ADGRB3: variants seen among roughly 807,000 people sequenced by gnomAD.
The protein encoded by ADGRB3 is adhesion G protein-coupled receptor B3.
In ADGRB3, 37 loss-of-function variants were observed where a neutral mutation model predicts 193.4. That is an observed-to-expected ratio of 0.19 (90% CI 0.15 to 0.25). The LOEUF (loss-of-function observed/expected upper bound fraction) is 0.25. Ranked by LOEUF, ADGRB3 falls within the 10% of genes least tolerant of loss-of-function variation. The probability of loss-of-function intolerance (pLI) is 1.00; values close to 1 mark genes in which losing one functional copy is unlikely to be tolerated. For missense variants in ADGRB3, 1,637 were observed against 1,852.9 expected, an observed-to-expected ratio of 0.88 and a Z score of 2.14; for synonymous variants, 690 against 644.2, an observed-to-expected ratio of 1.07 and a Z score of -1.08.
At chr6:68,815,808 G>T (rs1051765395) in intron 3 of ADGRB3, among the ~76,000 whole-genome samples, 1 of 151,990 alleles carries the variant, frequency 6.6e-6, no homozygotes, top group Non-Finnish European at 1.5e-5. Flanking sequence ...TTTAATATTT[G>T]CATTGCTTTA....
At chr6:69,244,221 T>C (rs1277246406) in intron 20 of ADGRB3, among the ~76,000 whole-genome samples, 1 of 151,824 alleles carries the variant, frequency 6.6e-6, no homozygotes, top group African/African-American at 2.4e-5. Flanking sequence ...TCTATTATGT[T>C]TTCTTCTACT....
At chr6:68,974,505 C>T (rs751312625) in intron 8 of ADGRB3, among the ~76,000 whole-genome samples, 1 of 152,044 alleles carries the variant, frequency 6.6e-6, no homozygotes, top group Non-Finnish European at 1.5e-5. Context: ...TGGCAACACA[C>T]GTCTGTAGTC....
chr6:69,373,378 C>T (rs1769746542), intron 30 of ADGRB3, among the ~76,000 whole-genome samples: 1 of 151,978 alleles, frequency 6.6e-6, no homozygotes, highest in Non-Finnish European at 1.5e-5. Flanking sequence ...AAAACTAAGA[C>T]TTGTTTTTAT....
intron 15 of ADGRB3, among the ~76,000 whole-genome samples, chr6:69,051,762 A>G (rs923566491): frequency 6.6e-6 from 1 of 152,196 alleles, no homozygotes; most frequent in Non-Finnish European, 1.5e-5. Flanking sequence ...TCTTTTTTCT[A>G]CAGTCACTCA....
intron 20 of ADGRB3, among the ~76,000 whole-genome samples, chr6:69,250,462 G>A (rs1333477069): frequency 6.6e-6 from 1 of 152,074 alleles, no homozygotes; most frequent in Non-Finnish European, 1.5e-5. Flanking sequence ...CAATGAAAAG[G>A]ACAATCTGTA....
At chr6:69,074,735 C>T (rs1197747178) in intron 16 of ADGRB3, among the ~76,000 whole-genome samples, 5 of 151,846 alleles carry the variant, frequency 3.3e-5, no homozygotes, top group East Asian at 1.9e-4. Context: ...TTAGTACAGA[C>T]GGGGTTTCAC....
At chr6:68,974,635 T>C (rs1455003920) in intron 8 of ADGRB3, 128 bp from the exon 9 acceptor site, 1 of 668,290 alleles carries the variant, frequency 1.5e-6, no homozygotes, top group Non-Finnish European at 2.5e-6. Context: ...ACCCCATCTC[T>C]AAAAAAAAGA....
intron 3 of ADGRB3, among the ~76,000 whole-genome samples, chr6:68,650,824 C>T (rs867522448): frequency 6.6e-6 from 1 of 151,594 alleles, no homozygotes; most frequent in Non-Finnish European, 1.5e-5. Context: ...AAGAAAGGAG[C>T]CTGAGAGGAA....
intron 17 of ADGRB3, among the ~76,000 whole-genome samples, chr6:69,160,084 A>G (rs1229186919): frequency 6.6e-6 from 1 of 152,104 alleles, no homozygotes. Flanking sequence ...TAAGCCCTAG[A>G]TTACTGAAAT....
At chr6:68,803,270 C>T (rs1767345138) in intron 3 of ADGRB3, among the ~76,000 whole-genome samples, 1 of 152,168 alleles carries the variant, frequency 6.6e-6, no homozygotes, top group African/African-American at 2.4e-5. Context: ...TCTGTATTTA[C>T]AGGACCCTCC....
At chr6:69,201,433 C>CT (rs530167052) in intron 17 of ADGRB3, among the ~76,000 whole-genome samples, 11 of 151,730 alleles carry the variant, frequency 7.2e-5, no homozygotes, top group African/African-American at 1.7e-4. Context: ...TTATTTCCAA[C>CT]TTTTTTTTAT....
At chr6:69,130,324 G>T (rs1773971180) in intron 17 of ADGRB3, among the ~76,000 whole-genome samples, 1 of 151,692 alleles carries the variant, frequency 6.6e-6, no homozygotes, top group African/African-American at 2.4e-5. Context: ...TGAATTTTGG[G>T]ATTATATAAG....
chr6:69,231,217 C>A (rs1191988694), intron 17 of ADGRB3, among the ~76,000 whole-genome samples: 1 of 152,150 alleles, frequency 6.6e-6, no homozygotes, highest in Non-Finnish European at 1.5e-5. Flanking sequence ...ATATAGACTT[C>A]ATATGTAACA....
rs1444537845 is a variant in ADGRB3 at position 68,839,112 on chromosome 6, T to A, written c.758-91447T>A. On this transcript the variant is annotated intron_variant, in intron 3 of 31. Transcript: ENST00000370598. ...CACACACACACACACACACACACAT[T>A]CCCACATACACACATTAGACCTTCC... Among the ~76,000 whole-genome samples, 3 of 96,442 alleles carry A rather than the reference T, an allele frequency of 3.1e-5. No individual in the cohort carries two copies. The South Asian group carries it at 9.7e-4, about 31-fold the overall frequency. The allele number at this position is 96,442 out of a possible 152,430, so 63.3% of individuals were successfully genotyped here. A position where few individuals can be genotyped will look rare whatever the true frequency, so the allele number is the denominator to read the frequency against.
chr6:69,243,409 T>G (rs1022103526), intron 20 of ADGRB3, among the ~76,000 whole-genome samples: 1 of 151,928 alleles, frequency 6.6e-6, no homozygotes, highest in Non-Finnish European at 1.5e-5. Context: ...AGGAGCAGGA[T>G]TCTGTGACCT....
intron 17 of ADGRB3, among the ~76,000 whole-genome samples, chr6:69,083,964 G>A (rs574352108): frequency 5.9e-5 from 9 of 151,952 alleles, no homozygotes; most frequent in African/African-American, 2.2e-4. Context: ...TAGTATAGAC[G>A]CAGTTTCACC....
chr6:69,184,840 C>T (rs758153405), intron 17 of ADGRB3, among the ~76,000 whole-genome samples: 32 of 152,016 alleles, frequency 2.1e-4, no homozygotes, highest in Non-Finnish European at 8.8e-5. Context: ...AAATAATGTG[C>T]CACAAAACTT....
At chr6:69,139,721 T>C (rs1774269953) in intron 17 of ADGRB3, among the ~76,000 whole-genome samples, 1 of 152,234 alleles carries the variant, frequency 6.6e-6, no homozygotes, top group Admixed American at 6.5e-5. Context: ...TTTAAAGTTA[T>C]GTAAATTGTA....
intron 3 of ADGRB3, among the ~76,000 whole-genome samples, chr6:68,843,378 A>C (rs1467028462): frequency 6.6e-6 from 1 of 152,096 alleles, no homozygotes; most frequent in Non-Finnish European, 1.5e-5. Flanking sequence ...TCTATATGCC[A>C]ACAACAAACA....
Sources: gnomAD v4.1 joint callset for allele counts (sites outside exome capture counted in the v4.1 genomes callset) on GRCh38, gnomAD v4.1.1 for gene constraint, MANE v1.5 for transcripts, NCBI Gene and HGNC (gene_info 2026-07-23, HGNC 2026-07-21) for gene names.